The following SLC35F4 variants were observed in gnomAD, a reference collection of about 807,000 sequenced individuals.
The protein encoded by SLC35F4 is chromosome 14 open reading frame 36.
SLC35F4 carries 24 observed loss-of-function variants against 44.2 expected under a neutral mutation model. That is an observed-to-expected ratio of 0.54 (90% confidence interval 0.39 to 0.76). SLC35F4 has a LOEUF of 0.76. Ranked by LOEUF, SLC35F4 falls within the 30% of genes least tolerant of loss-of-function variation. SLC35F4 has a pLI of 0.00. For missense variants in SLC35F4, 562 were observed against 586.1 expected (o/e 0.96, Z 0.42); for synonymous variants, 238 against 223.6 (o/e 1.06, Z -0.57).
At chr14:57,829,651 G>C (rs953080017) in intron 1 of SLC35F4, among the ~76,000 whole-genome samples, 1 of 152,146 alleles carries the variant, frequency 6.6e-6, no homozygotes, top group Non-Finnish European at 1.5e-5. Flanking sequence ...GCCGAAGAAA[G>C]GCCAAGAAGA....
intron 1 of SLC35F4, chr14:57,977,049 C>T (rs1198061301): frequency 6.6e-6 from 1 of 152,046 alleles, no homozygotes; most frequent in African/African-American, 2.4e-5. Flanking sequence ...ATTAAAGAGC[C>T]TGCCACATTG....
At chr14:57,955,454 G>T (rs1012972621) in intron 1 of SLC35F4, among the ~76,000 whole-genome samples, 2 of 152,168 alleles carry the variant, frequency 1.3e-5, no homozygotes, top group South Asian at 4.1e-4. Context: ...AAGCAGGCAA[G>T]AGAAAGAAAT....
intron 1 of SLC35F4, among the ~76,000 whole-genome samples, chr14:57,872,015 A>T (rs551162249): frequency 6.6e-6 from 1 of 152,370 alleles, no homozygotes; most frequent in East Asian, 1.9e-4. Context: ...ATCATAGAGA[A>T]GACAAAACAA....
At chr14:57,594,197 A>T in intron 1 of SLC35F4, 73 bp from the exon 2 acceptor site, 1 of 1,396,662 alleles carries the variant, frequency 7.2e-7, no homozygotes, top group Non-Finnish European at 9.7e-7. Context: ...TATTTATTTA[A>T]TTATTGTTTG....
intron 1 of SLC35F4, among the ~76,000 whole-genome samples, chr14:57,860,518 A>T (rs950880977): frequency 3.9e-5 from 6 of 152,200 alleles, no homozygotes; most frequent in African/African-American, 1.4e-4. Context: ...ATCCATGTCC[A>T]CCAAGAGGTG....
rs922907057 is a variant in SLC35F4, at chr14:57,643,887, G to A, written c.104-49763C>T. Among the ~76,000 whole-genome samples the A allele has an allele frequency of 1.2e-4, 18 of 152,074 alleles. No homozygotes were observed. The South Asian group carries it at 2.3e-3, about 19-fold the overall frequency. On this transcript the variant is annotated intron_variant, in intron 1 of 7. Transcript: ENST00000556826. ...GCGGTGTTTGGTTTTTTGTCCATGC[G>A]ATAGTTTGCTGAGAATGATGGTTTC...
At chr14:57,631,864 A>T (rs548374355) in intron 1 of SLC35F4, among the ~76,000 whole-genome samples, 2 of 152,116 alleles carry the variant, frequency 1.3e-5, no homozygotes, top group East Asian at 3.9e-4. Flanking sequence ...AAAGCCAAAA[A>T]TTAAAAAAAG....
intron 1 of SLC35F4, among the ~76,000 whole-genome samples, chr14:57,915,856 C>A (rs72624751): frequency 6.6e-6 from 1 of 152,284 alleles, no homozygotes; most frequent in East Asian, 1.9e-4. Context: ...TAGAATCACC[C>A]TAAATGATCT....
chr14:57,605,941 T>C (rs2071137957), intron 1 of SLC35F4, among the ~76,000 whole-genome samples: 1 of 152,032 alleles, frequency 6.6e-6, no homozygotes, highest in African/African-American at 2.4e-5. Context: ...ATGGGAACGA[T>C]AAACACTGGG....
intron 1 of SLC35F4, among the ~76,000 whole-genome samples, chr14:57,773,706 A>G (rs932472414): frequency 1.3e-5 from 2 of 152,158 alleles, no homozygotes; most frequent in Non-Finnish European, 2.9e-5. Flanking sequence ...CTGAAACATG[A>G]AAATAATTAA....
At chr14:57,600,517 C>T (rs2139974992) in intron 1 of SLC35F4, among the ~76,000 whole-genome samples, 1 of 149,098 alleles carries the variant, frequency 6.7e-6, no homozygotes, top group African/African-American at 2.5e-5. Context: ...ACGGTGAAAC[C>T]CCGTCTCTAC....
intron 1 of SLC35F4, among the ~76,000 whole-genome samples, chr14:57,909,793 T>G (rs1889182204): frequency 6.6e-6 from 1 of 152,152 alleles, no homozygotes; most frequent in Admixed American, 6.6e-5. Flanking sequence ...GTGTGCAGAT[T>G]TTTATGTGGA....
intron 1 of SLC35F4, among the ~76,000 whole-genome samples, chr14:57,747,983 C>T (rs1429875231): frequency 6.6e-6 from 1 of 152,132 alleles, no homozygotes; most frequent in African/African-American, 2.4e-5. Flanking sequence ...TTTACTTTCC[C>T]CAGTGTACTT....
At chr14:57,982,284 C>G (rs1881404117), upstream of SLC35F4, 2 of 152,268 alleles carry the variant, frequency 1.3e-5, no homozygotes, top group South Asian at 4.2e-4. Flanking sequence ...TTCCAGAACC[C>G]CACCACAGCC....
At chr14:57,805,371 A>G (rs1185364306) in intron 1 of SLC35F4, among the ~76,000 whole-genome samples, 2 of 152,226 alleles carry the variant, frequency 1.3e-5, no homozygotes, top group African/African-American at 4.8e-5. Flanking sequence ...AAATCAACCT[A>G]AATGCCCATC....
chr14:57,685,120 G>A (rs947941914), intron 1 of SLC35F4, among the ~76,000 whole-genome samples: 23 of 152,180 alleles, frequency 1.5e-4, no homozygotes, highest in African/African-American at 5.6e-4. Flanking sequence ...AGAAGAAGCA[G>A]ATATTCAAAA....
intron 1 of SLC35F4, among the ~76,000 whole-genome samples, chr14:57,727,473 G>A (rs1317896056): frequency 6.7e-6 from 1 of 150,340 alleles, no homozygotes; most frequent in East Asian, 1.9e-4. Flanking sequence ...TAGTTAAGAT[G>A]CATCATTAGG....
intron 1 of SLC35F4, among the ~76,000 whole-genome samples, chr14:57,808,965 A>G (rs1881660794): frequency 6.6e-6 from 1 of 152,210 alleles, no homozygotes; most frequent in African/African-American, 2.4e-5. Context: ...AGAAATCTAC[A>G]GGAGGTTGAA....
intron 1 of SLC35F4, among the ~76,000 whole-genome samples, chr14:57,816,786 C>T (rs1882650486): frequency 6.6e-6 from 1 of 152,170 alleles, no homozygotes; most frequent in African/African-American, 2.4e-5. Flanking sequence ...CTGTTACCTC[C>T]TTTGAGTGCA....
Sources: allele counts gnomAD v4.1 joint callset (sites outside exome capture counted in the v4.1 genomes callset), GRCh38; gene constraint gnomAD v4.1.1; transcripts MANE v1.5; gene names NCBI Gene and HGNC (gene_info 2026-07-23, HGNC 2026-07-21).